CFAP54: variants seen among roughly 807,000 people sequenced by gnomAD.
CFAP54 encodes the protein cilia- and flagella-associated protein 54.
A neutral mutation model predicts 370.4 loss-of-function variants in CFAP54; 290 were observed. The ratio of observed to expected loss-of-function variants is 0.78; its 90% CI spans 0.71 to 0.86. The LOEUF is 0.86. CFAP54 is among the 40% of genes least tolerant of loss of function. CFAP54 has a pLI of 0.00. For synonymous variants in CFAP54, 1,206 were observed against 1,236.5 expected (o/e 0.98, Z 0.52); for missense variants, 3,399 against 3,528.7 (o/e 0.96, Z 0.93).
At chr12:96,596,726 T>C (rs1956183786) in intron 25 of CFAP54, among the ~76,000 whole-genome samples, 1 of 151,922 alleles carries the variant, frequency 6.6e-6, no homozygotes, top group African/African-American at 2.4e-5. Context: ...CAAAAAGGAC[T>C]ATAACAAAGA....
At chr12:96,754,181 A>G (rs1462884834) in intron 56 of CFAP54, among the ~76,000 whole-genome samples, 1 of 152,210 alleles carries the variant, frequency 6.6e-6, no homozygotes, top group African/African-American at 2.4e-5. Context: ...AAATGGCAGC[A>G]TAGCCTCTTA....
At chr12:96,832,863 A>G (rs971892769) in intron 66 of CFAP54, among the ~76,000 whole-genome samples, 2 of 152,190 alleles carry the variant, frequency 1.3e-5, no homozygotes, top group Non-Finnish European at 2.9e-5. Context: ...GCTTCCAGCT[A>G]ACTTCCACTG....
intron 58 of CFAP54, among the ~76,000 whole-genome samples, chr12:96,760,555 C>G (rs2136665585): frequency 6.6e-6 from 1 of 152,312 alleles, no homozygotes; most frequent in South Asian, 2.1e-4. Flanking sequence ...TTTTCTGAGA[C>G]AGAGTCTTGC....
intron 19 of CFAP54, among the ~76,000 whole-genome samples, chr12:96,576,002 AT>A (rs1429072688): frequency 1.3e-5 from 2 of 151,948 alleles, no homozygotes; most frequent in Non-Finnish European, 2.9e-5. Flanking sequence ...TTTAGGTCTG[AT>A]TTTTATATTT....
chr12:96,557,043 C>T lies in CFAP54; in HGVS notation c.2410+2241C>T, dbSNP rs117751579. Among the ~76,000 whole-genome samples the T allele has an allele frequency of 5.4e-4, 82 of 152,182 alleles. 1 individual carries two copies. The East Asian group carries it at 0.013, about 25-fold the overall frequency. Reference sequence around the variant, plus strand: ...TGCAACAAACCTGCACATGTACCCCCGAACTTAAAGCGAAAGTTAAATAAT... The same window carrying T: ...TGCAACAAACCTGCACATGTACCCCTGAACTTAAAGCGAAAGTTAAATAAT... On this transcript the variant is annotated intron_variant, in intron 17 of 67. Transcript: ENST00000524981.
At chr12:96,830,555 A>G (rs770607855) in intron 66 of CFAP54, among the ~76,000 whole-genome samples, 7 of 152,196 alleles carry the variant, frequency 4.6e-5, no homozygotes, top group Non-Finnish European at 7.3e-5. Flanking sequence ...TAAAATTGGT[A>G]TATACATTTT....
intron 26 of CFAP54, among the ~76,000 whole-genome samples, chr12:96,617,706 T>G (rs1956435652): frequency 6.6e-6 from 1 of 152,156 alleles, no homozygotes. Flanking sequence ...TATATTTATC[T>G]GCGGGCGGGG....
chr12:96,795,198 C>G (rs772071756), intron 63 of CFAP54, among the ~76,000 whole-genome samples: 1 of 152,022 alleles, frequency 6.6e-6, no homozygotes, highest in Non-Finnish European at 1.5e-5. Context: ...TTTTAGTGCA[C>G]TGGTTTTGTG....
intron 1 of CFAP54, 106 bp downstream of exon 1, chr12:96,490,032 C>T: frequency 9.1e-7 from 1 of 1,102,892 alleles, no homozygotes; most frequent in Non-Finnish European, 1.3e-6. Context: ...GCGTTGCGGA[C>T]GCAGGGGCTG....
In CFAP54 at chr12:96,799,468, T is replaced by A. The variant is rs919857450; in HGVS notation, c.8850+6969T>A. On this transcript the variant is annotated intron_variant, in intron 63 of 67. Transcript: ENST00000524981. ...CTGGTAGCTTCTGCAACTCCTTGACTCATGTGACCCATGTCAAATCATGAA... is the reference window on the plus strand; with the variant it reads ...CTGGTAGCTTCTGCAACTCCTTGACACATGTGACCCATGTCAAATCATGAA... 4.6e-5 allele frequency among the ~76,000 whole-genome samples: 7 copies of A among 152,328 alleles called. No homozygotes were observed. The East Asian group carries it at 1.2e-3, about 25-fold the overall frequency.
intron 30 of CFAP54, 126 bp from the exon 31 acceptor site, chr12:96,629,967 G>A: frequency 2.3e-6 from 1 of 443,490 alleles, no homozygotes; most frequent in South Asian, 4.6e-5. Context: ...TCAAATTGAT[G>A]CATAGGACAC....
intron 47 of CFAP54, 85 bp downstream of exon 47, chr12:96,704,881 C>G (rs1957531519): frequency 2.2e-6 from 1 of 446,222 alleles, no homozygotes; most frequent in South Asian, 2.7e-5. Flanking sequence ...TTGATACAGT[C>G]TTTGATTCTG....
At position 96,742,559 on chromosome 12, in the gene CFAP54, C is replaced by T. The variant is rs1958064456; in HGVS notation, c.7192C>T (p.Gln2398Ter). The change falls in exon 52 of 68, where the codon CAG (glutamine) becomes TAG (stop). Residue 2398 changes from glutamine (Q) to a stop codon, truncating the protein, a stop_gained. Coordinates refer to ENST00000524981, the MANE Select transcript of CFAP54 (RefSeq NM_001306084.2). LOFTEE classifies it high-confidence loss of function. ...AGCATTGGTGACTGCATTTGTTGCA[C>T]AGATTCATGGCATTGGAATTGTGAA... ...RLALVTAFVA[Q>*]IHGIGIVKED... 7 of 1,612,772 alleles carry T rather than the reference C, an allele frequency of 4.3e-6. No individual in the cohort carries two copies. Among genetic ancestry groups the T allele is most frequent in the African/African-American group, 1.3e-5 (1 of 74,876 alleles).
At chr12:96,859,915 A>G (rs548098475) in intron 66 of CFAP54, among the ~76,000 whole-genome samples, 9 of 152,200 alleles carry the variant, frequency 5.9e-5, no homozygotes, top group Non-Finnish European at 1.3e-4. Flanking sequence ...GGGAGAGATT[A>G]TTAATTTTTT....
chr12:96,721,521 G>A (rs1222441980), intron 50 of CFAP54, among the ~76,000 whole-genome samples: 3 of 152,012 alleles, frequency 2.0e-5, no homozygotes, highest in African/African-American at 4.8e-5. Context: ...ATATTACAGC[G>A]CTTTTTTCAT....
chr12:96,719,187 G>A (rs967266228), intron 49 of CFAP54, among the ~76,000 whole-genome samples: 11 of 152,136 alleles, frequency 7.2e-5, no homozygotes, highest in Non-Finnish European at 7.3e-5. Context: ...GATGTAGGTA[G>A]TAATCATTTT....
chr12:96,726,159 C>A (rs1197283527), intron 50 of CFAP54, among the ~76,000 whole-genome samples: 18 of 150,092 alleles, frequency 1.2e-4, no homozygotes, highest in Non-Finnish European at 1.5e-4. Context: ...TGTCTCTGCC[C>A]GGCTTTGGTA....
At chr12:96,536,553 C>T (rs1270048159) in intron 12 of CFAP54, among the ~76,000 whole-genome samples, 2 of 151,052 alleles carry the variant, frequency 1.3e-5, no homozygotes, top group East Asian at 3.9e-4. Flanking sequence ...GAGAGCTAAC[C>T]AAAAAATAGC....
At chr12:96,863,975 C>G (rs949293276) in intron 67 of CFAP54, among the ~76,000 whole-genome samples, 3 of 152,110 alleles carry the variant, frequency 2.0e-5, no homozygotes, top group African/African-American at 4.8e-5. Flanking sequence ...AGGAGCAACA[C>G]TCACTGGTTA....
Sources: gnomAD v4.1 joint callset for allele counts (sites outside exome capture counted in the v4.1 genomes callset) on GRCh38, gnomAD v4.1.1 for gene constraint, MANE v1.5 for transcripts, NCBI Gene and HGNC (gene_info 2026-07-23, HGNC 2026-07-21) for gene names.